SPATA16: variants seen among roughly 807,000 people sequenced by gnomAD.
SPATA16 encodes the protein spermatogenesis-associated protein 16.
A neutral mutation model predicts 63.3 loss-of-function variants in SPATA16; 36 were observed. That is an observed-to-expected ratio of 0.57 (90% CI 0.44 to 0.75). The LOEUF (loss-of-function observed/expected upper bound fraction) is 0.75, where lower values mean the gene tolerates loss of function less well. Among genes scored for constraint, SPATA16 ranks in the 30% least tolerant of loss-of-function variants. The probability of loss-of-function intolerance (pLI) is 0.00; values close to 1 mark genes in which losing one functional copy is unlikely to be tolerated. For synonymous variants in SPATA16, 203 were observed against 216.7 expected, an observed-to-expected ratio of 0.94 and a Z score of 0.56; for missense variants, 646 against 679.3, an observed-to-expected ratio of 0.95 and a Z score of 0.54.
At chr3:173,025,540 C>G (rs1213540634) in intron 3 of SPATA16, among the ~76,000 whole-genome samples, 2 of 151,786 alleles carry the variant, frequency 1.3e-5, no homozygotes, top group African/African-American at 4.8e-5. Context: ...AAATACATAG[C>G]CATCAACACA....
intron 2 of SPATA16, among the ~76,000 whole-genome samples, chr3:173,053,282 C>A (rs1577150186): frequency 6.6e-6 from 1 of 152,064 alleles, no homozygotes; most frequent in Admixed American, 6.6e-5. Flanking sequence ...GTGAGCAAGC[C>A]AGGAGGGTTG....
chr3:173,050,293 C>T (rs1736055070), intron 2 of SPATA16, among the ~76,000 whole-genome samples: 1 of 152,100 alleles, frequency 6.6e-6, no homozygotes, highest in Admixed American at 6.5e-5. Context: ...TCTAGATGTT[C>T]AGTATCCACA....
At chr3:173,087,286 C>G (rs1216085291) in intron 2 of SPATA16, among the ~76,000 whole-genome samples, 1 of 152,140 alleles carries the variant, frequency 6.6e-6, no homozygotes, top group Non-Finnish European at 1.5e-5. Flanking sequence ...CAATGCCCGT[C>G]TTTGTCTTTT....
chr3:173,115,456 G>A (rs1737870414), intron 2 of SPATA16, among the ~76,000 whole-genome samples: 3 of 152,138 alleles, frequency 2.0e-5, no homozygotes, highest in Admixed American at 6.6e-5. Flanking sequence ...TTTCCTAGAC[G>A]AAGGCTGCAG....
intron 2 of SPATA16, among the ~76,000 whole-genome samples, chr3:173,088,036 T>C (rs571896410): frequency 1.4e-5 from 2 of 139,380 alleles, no homozygotes; most frequent in African/African-American, 2.7e-5. Context: ...CTTTCTTTCT[T>C]TCTTTCTTTC....
At chr3:172,925,276 A>G in intron 7 of SPATA16, 70 bp downstream of exon 7, 1 of 1,573,552 alleles carries the variant, frequency 6.4e-7, no homozygotes, top group Non-Finnish European at 8.7e-7. Context: ...TTTTAACTCA[A>G]ACATTTTTTG....
intron 4 of SPATA16, among the ~76,000 whole-genome samples, chr3:172,998,097 G>T (rs1012383131): frequency 1.3e-5 from 2 of 152,036 alleles, no homozygotes; most frequent in Non-Finnish European, 2.9e-5. Context: ...TTTTGATTGG[G>T]ACTGTGTTGA....
At chr3:172,936,456 T>G (rs1732995904) in intron 6 of SPATA16, among the ~76,000 whole-genome samples, 3 of 152,192 alleles carry the variant, frequency 2.0e-5, no homozygotes, top group Admixed American at 6.5e-5. Context: ...CATGCATTTC[T>G]CTATACATGC....
At position 172,913,683 on chromosome 3, in the gene SPATA16, C is replaced by T. The variant is rs148612847; in HGVS notation, c.1565G>A (p.Arg522His). ...TLEGRRNNNE[R>H]VWNMIQKVGQ... ...TACCTTTTGGATCATATTCCACACA[C>T]GTTCATTATTGTTTCTTCTTCCTTC... The change falls in exon 10 of 11, where the codon CGT becomes CAT. Residue 522 changes from arginine to histidine, a missense_variant. Coordinates refer to ENST00000351008, the MANE Select transcript of SPATA16 (RefSeq NM_031955.6). The T allele has an allele frequency of 1.6e-5, 26 of 1,613,682 alleles. No individual in the cohort carries two copies. The East Asian group carries it at 4.0e-4, about 25-fold the overall frequency.
In SPATA16 at chr3:173,024,466, A is replaced by C. The variant is rs142078357; in HGVS notation, c.759-4891T>G. ...AATAATTTTTAAAAATATTCTTTGA[A>C]TCTATCAAAATGATCTTGTGGACTT... On this transcript the variant is annotated intron_variant, in intron 3 of 10. Coordinates refer to ENST00000351008, the MANE Select transcript of SPATA16 (RefSeq NM_031955.6). Among the ~76,000 whole-genome samples, 368 of 151,176 alleles carry C rather than the reference A, an allele frequency of 2.4e-3. 6 individuals are homozygous for C. Among genetic ancestry groups the C allele is most frequent in the African/African-American group, 7.6e-3 (317 of 41,522 alleles).
chr3:172,928,750 T>C lies in SPATA16; in HGVS notation c.1082-3258A>G, dbSNP rs1215938540. Among the ~76,000 whole-genome samples the C allele has an allele frequency of 2.6e-5, 4 of 152,220 alleles. No homozygotes were observed. In the East Asian group the frequency reaches 7.7e-4, roughly 29 times the overall value. On this transcript the variant is annotated intron_variant, in intron 6 of 10. Coordinates refer to ENST00000351008, the MANE Select transcript of SPATA16 (RefSeq NM_031955.6). ...TCTGTTCCTTCTGATCCTATATGCT[T>C]CATCCTGTGAGTATTTGACCCATTA...
chr3:173,061,192 A>G (rs1440873679), intron 2 of SPATA16, among the ~76,000 whole-genome samples: 2 of 152,234 alleles, frequency 1.3e-5, no homozygotes, highest in African/African-American at 2.4e-5. Context: ...CACCTTGGAC[A>G]TGATAAATGA....
At chr3:173,054,488 C>T (rs982745434) in intron 2 of SPATA16, among the ~76,000 whole-genome samples, 20 of 152,254 alleles carry the variant, frequency 1.3e-4, no homozygotes, top group African/African-American at 4.8e-4. Flanking sequence ...TTTGCAGGGA[C>T]ATGGATGAAG....
chr3:172,916,207 T>C, intron 9 of SPATA16, 110 bp downstream of exon 9: 1 of 1,363,242 alleles, frequency 7.3e-7, no homozygotes, highest in Non-Finnish European at 1.0e-6. Flanking sequence ...GAGTTTGCCC[T>C]CAGGCTACAT....
At chr3:173,010,435 C>CGTGT (rs66547523) in intron 4 of SPATA16, among the ~76,000 whole-genome samples, 10,069 of 141,272 alleles carry the variant, frequency 0.071, 616 homozygotes, top group African/African-American at 0.16. Flanking sequence ...CACGTTGTGG[C>CGTGT]GTGTGTGTGT....
At chr3:172,994,240 A>G (rs114974834) in intron 4 of SPATA16, among the ~76,000 whole-genome samples, 3,069 of 152,276 alleles carry the variant, frequency 0.02, 42 homozygotes, top group Admixed American at 0.033. Flanking sequence ...TGAATCAGTC[A>G]GTTCTAAACT....
chr3:172,951,716 C>T (rs17759085), intron 6 of SPATA16, among the ~76,000 whole-genome samples: 20,760 of 152,084 alleles, frequency 0.14, 1,759 homozygotes, highest in Non-Finnish European at 0.19. Flanking sequence ...GGCACTGTCA[C>T]GTGACCAGGG....
At chr3:173,092,045 G>A (rs1245708374) in intron 2 of SPATA16, among the ~76,000 whole-genome samples, 4 of 152,096 alleles carry the variant, frequency 2.6e-5, no homozygotes, top group African/African-American at 9.7e-5. Context: ...TTCCTCTCCT[G>A]CACAATCCTT....
chr3:172,967,189 A>G (rs1467978868), intron 5 of SPATA16, among the ~76,000 whole-genome samples: 1 of 152,210 alleles, frequency 6.6e-6, no homozygotes, highest in East Asian at 1.9e-4. Flanking sequence ...CTCTAAGCGC[A>G]TATCTTTCTC....
Sources: gnomAD v4.1 joint callset for allele counts (sites outside exome capture counted in the v4.1 genomes callset) on GRCh38, gnomAD v4.1.1 for gene constraint, MANE v1.5 for transcripts, NCBI Gene and HGNC (gene_info 2026-07-23, HGNC 2026-07-21) for gene names.